COPB1: variants seen among roughly 807,000 people sequenced by gnomAD.
COPB1 encodes the protein coatomer subunit beta.
A neutral mutation model predicts 108.7 loss-of-function variants in COPB1; 21 were observed. The ratio of observed to expected loss-of-function variants is 0.19; its 90% CI spans 0.14 to 0.28. The LOEUF (loss-of-function observed/expected upper bound fraction) is 0.28, where lower values mean the gene tolerates loss of function less well. Among genes scored for constraint, COPB1 ranks in the 10% least tolerant of loss-of-function variants. The pLI is 1.00. For missense variants in COPB1, 919 were observed against 1,141.3 expected (o/e 0.81, Z 2.81); for synonymous variants, 378 against 386.8 (o/e 0.98, Z 0.27).
chr11:14,485,575 G>A (rs1357428136), intron 7 of COPB1, among the ~76,000 whole-genome samples: 10 of 152,310 alleles, frequency 6.6e-5, no homozygotes, highest in Admixed American at 2.0e-4. Context: ...GGCCAGGCGC[G>A]GTGGCTTACG....
At chr11:14,460,592 C>T (rs533662940) in intron 19 of COPB1, among the ~76,000 whole-genome samples, 2 of 152,074 alleles carry the variant, frequency 1.3e-5, no homozygotes, top group South Asian at 4.2e-4. Context: ...TTTCAGCTCA[C>T]TGCAGCCTCA....
Position 14,494,451 on chromosome 11 carries a change from A to T in COPB1, c.92-12T>A, listed in dbSNP as rs543764438. 27 of 1,354,366 alleles carry T rather than the reference A, an allele frequency of 2.0e-5. No individual in the cohort carries two copies. The Admixed American group carries it at 2.7e-4, about 14-fold the overall frequency. The allele number at this position is 1,354,366 out of a possible 1,614,324, so 83.9% of individuals were successfully genotyped here. A position where few individuals can be genotyped will look rare whatever the true frequency, so the allele number is the denominator to read the frequency against. On this transcript the variant is annotated splice_polypyrimidine_tract_variant and intron_variant, in intron 2 of 21. Transcript: ENST00000439561. The stretch of plus-strand genomic sequence containing the variant: ...TACATCTCCTTTTTCTGAATCAAAA[A>T]TTTTTTTAAAAAAAAGCACAATTAT...
intron 11 of COPB1, among the ~76,000 whole-genome samples, chr11:14,477,794 G>C (rs2134110586): frequency 6.6e-6 from 1 of 151,912 alleles, no homozygotes; most frequent in Admixed American, 6.6e-5. Context: ...ATACTTGGGA[G>C]GCTGAGGCTG....
chr11:14,489,003 A>C (rs780974718), intron 5 of COPB1, among the ~76,000 whole-genome samples: 3 of 152,226 alleles, frequency 2.0e-5, no homozygotes, highest in Non-Finnish European at 4.4e-5. Context: ...CTCCAGTAAA[A>C]GTATCAATAA....
intron 18 of COPB1, 129 bp from the exon 19 acceptor site, chr11:14,461,460 C>A: frequency 5.6e-6 from 5 of 888,110 alleles, no homozygotes; most frequent in South Asian, 1.8e-5. Context: ...TTATTATGTA[C>A]AGAGCTCTAT....
At chr11:14,495,034 T>C (rs954808944) in intron 2 of COPB1, among the ~76,000 whole-genome samples, 3 of 152,146 alleles carry the variant, frequency 2.0e-5, no homozygotes, top group Non-Finnish European at 4.4e-5. Flanking sequence ...AACTGGGAGG[T>C]AATTCAAATG....
chr11:14,466,219 C>T, intron 17 of COPB1, 63 bp downstream of exon 17: 1 of 1,497,336 alleles, frequency 6.7e-7, no homozygotes, highest in Non-Finnish European at 9.1e-7. Context: ...TGTGCACCTC[C>T]CTTAATCTGT....
At chr11:14,482,893 T>C (rs563608020) in intron 8 of COPB1, 139 bp downstream of exon 8, 155 of 672,096 alleles carry the variant, frequency 2.3e-4, no homozygotes, top group Non-Finnish European at 2.8e-4. Context: ...GATGACTCAA[T>C]AGTTAACACT....
At position 14,484,093 on chromosome 11, in the gene COPB1, C is replaced by T. The variant is rs567163827; in HGVS notation, c.838-942G>A. On this transcript the variant is annotated intron_variant, in intron 7 of 21. Transcript: ENST00000439561. ...TATTCTTTCCAAAAATGTACAACCT[C>T]AATCTGAGAAAACATCAGACAAACC... Among the ~76,000 whole-genome samples, 58 of 152,304 alleles carry T rather than the reference C, an allele frequency of 3.8e-4. 1 individual carries two copies. The highest frequency in any genetic ancestry group is 1.3e-3 in the African/African-American group (53 of 41,578).
intron 12 of COPB1, 149 bp downstream of exon 12, chr11:14,476,770 T>C (rs1850529174): frequency 5.3e-6 from 3 of 570,444 alleles, no homozygotes; most frequent in Non-Finnish European, 6.1e-6. Flanking sequence ...TTCTTTTTTT[T>C]TTTTTTTTTT....
chr11:14,490,701 T>A (rs1183528641), intron 4 of COPB1, 22 bp from the exon 5 acceptor site: 1 of 1,311,522 alleles, frequency 7.6e-7, no homozygotes, highest in Non-Finnish European at 1.1e-6. Flanking sequence ...ACAGGTAACA[T>A]CCATATTTAA....
chr11:14,481,768 C>G (rs1850665421), intron 8 of COPB1, among the ~76,000 whole-genome samples: 1 of 152,116 alleles, frequency 6.6e-6, no homozygotes, highest in Non-Finnish European at 1.5e-5. Context: ...CTACATTCAC[C>G]AGTTAATATC....
Position 14,461,328 on chromosome 11 carries a change from T to C in COPB1, c.2414A>G (p.Tyr805Cys). The change falls in exon 19 of 22, where the codon TAT becomes TGT. Residue 805 changes from tyrosine to cysteine, a missense_variant. This residue lies in a region of COPB1 where 705 missense variants were observed against 817.8 expected (regional missense o/e 0.86). Transcript: ENST00000439561. The stretch of plus-strand genomic sequence containing the variant: ...GTCACTTGCTGCTCCAGAGACATCA[T>C]AAACTGCAATTACATATACAAAAAG... Reference protein sequence around the residue: ...ENGIIFGNIVYDVSGAASDRN... With the variant: ...ENGIIFGNIVCDVSGAASDRN... 1 of 1,612,948 alleles carries C rather than the reference T, an allele frequency of 6.2e-7. No individual in the cohort carries two copies. Among genetic ancestry groups the C allele is most frequent in the East Asian group, 2.2e-5 (1 of 44,878 alleles).
chr11:14,472,961 T>C (rs1850439503), intron 14 of COPB1, among the ~76,000 whole-genome samples: 1 of 152,084 alleles, frequency 6.6e-6, no homozygotes, highest in Non-Finnish European at 1.5e-5. Flanking sequence ...AATAAAGCTA[T>C]TTCGCTTTCT....
chr11:14,498,813 T>C (rs1396909882), intron 2 of COPB1, 25 bp downstream of exon 2: 2 of 1,530,928 alleles, frequency 1.3e-6, no homozygotes, highest in South Asian at 1.2e-5. Flanking sequence ...TTTCATTTCA[T>C]TCTCAAAATA....
Position 14,475,838 on chromosome 11 carries a change from A to G in COPB1, c.1563T>C (p.Tyr521=), listed in dbSNP as rs1442726632. 4.3e-6 allele frequency: 7 copies of G among 1,613,840 alleles called. No homozygotes were observed. The highest frequency in any genetic ancestry group is 1.1e-5 in the South Asian group (1 of 91,060). The change falls in exon 13 of 22, where the codon TAT becomes TAC. Residue 521 remains tyrosine, a synonymous_variant. Transcript: ENST00000439561. ...VQKLVTEMGT[Y]ATQSALSSSR... is the part of the protein sequence containing the mutation. The stretch of plus-strand genomic sequence containing the variant: ...AACTGCTAAGGGCACTCTGAGTTGC[A>G]TAGGTACCCATTTCAGTAACCAATT...
Position 14,469,565 on chromosome 11 carries a change from TAAG to T in COPB1, c.1738-5_1738-3del. 6.2e-7 allele frequency: 1 copy of T among 1,612,074 alleles called. No individual in the cohort carries two copies. On this transcript the variant is annotated splice_region_variant and splice_polypyrimidine_tract_variant and intron_variant, in intron 14 of 21. Transcript: ENST00000439561. ...CAACATAGCCTCAGCAACAAAAGAC[TAAG>T]AAAGTAAAGAAATCGGTTACTGATA...
chr11:14,493,549 T>C (rs1850955746), intron 4 of COPB1, 93 bp downstream of exon 4: 6 of 1,031,500 alleles, frequency 5.8e-6, no homozygotes, highest in Non-Finnish European at 8.2e-6. Flanking sequence ...ATCTTCAAGC[T>C]ATATTCAGTC....
At chr11:14,471,993 A>G (rs1196498007) in intron 14 of COPB1, among the ~76,000 whole-genome samples, 1 of 152,208 alleles carries the variant, frequency 6.6e-6, no homozygotes, top group Non-Finnish European at 1.5e-5. Flanking sequence ...TGTGAGTGAA[A>G]GTGTTTCAAT....
Sources: allele counts gnomAD v4.1 joint callset (sites outside exome capture counted in the v4.1 genomes callset), GRCh38; gene constraint gnomAD v4.1.1; regional missense constraint gnomAD v4.1.1; transcripts MANE v1.5; gene names NCBI Gene and HGNC (gene_info 2026-07-23, HGNC 2026-07-21).